Variants in OR52E5 observed in about 807,000 individuals in gnomAD.
The protein encoded by OR52E5 is olfactory receptor family 52 subfamily E member 5.
At position 5,894,745 on chromosome 11, in the gene OR52E5, T is replaced by A. The variant is rs189886883; in HGVS notation, c.-227-887T>A. On this transcript the variant is annotated intron_variant, in intron 1 of 2. Transcript: ENST00000610445. ...TGGAGCACTACTGAAATTTTATTCTTATGGCTCAGGGGTCGGTGCCCTTTT... is the reference window on the plus strand; with the variant it reads ...TGGAGCACTACTGAAATTTTATTCTAATGGCTCAGGGGTCGGTGCCCTTTT... Among the ~76,000 whole-genome samples the A allele has an allele frequency of 4.5e-3, 678 of 152,320 alleles. 2 individuals are homozygous for A. Among genetic ancestry groups the A allele is most frequent in the Non-Finnish European group, 7.3e-3 (499 of 68,014 alleles).
chr11:5,897,296 C>A (rs979863681), intron 2 of OR52E5, among the ~76,000 whole-genome samples: 6 of 152,182 alleles, frequency 3.9e-5, no homozygotes, highest in African/African-American at 1.2e-4. Context: ...TCCCTCCCCA[C>A]CTTTGTAGTC....
At position 5,895,635 on chromosome 11, in the gene OR52E5, G is replaced by C. The variant is rs1847162902; in HGVS notation, c.-224G>C. ...AATCATTGTATTCCACCATTAGCAGGATGATCATCTTATTGGCATTTATGG... is the reference window on the plus strand; with the variant it reads ...AATCATTGTATTCCACCATTAGCAGCATGATCATCTTATTGGCATTTATGG... On this transcript the variant is annotated 5_prime_UTR_variant, in exon 2 of 3. Coordinates refer to ENST00000610445, the MANE Select transcript of OR52E5 (RefSeq NM_001005166.5). 1 of 152,168 alleles carries C rather than the reference G, an allele frequency of 6.6e-6. No homozygotes were observed. The highest frequency in any genetic ancestry group is 2.4e-5 in the African/African-American group (1 of 41,448). 9.4% of individuals were successfully genotyped at this position (152,168 alleles called of 1,614,324 possible).
At chr11:5,899,246 T>C (rs7938347) in intron 2 of OR52E5, among the ~76,000 whole-genome samples, 8,542 of 152,260 alleles carry the variant, frequency 0.056, 277 homozygotes, top group Middle Eastern at 0.11. Context: ...TACTGGTATA[T>C]AGAAATGCTA....
intron 1 of OR52E5, among the ~76,000 whole-genome samples, chr11:5,894,641 T>C (rs1847149155): frequency 6.6e-6 from 1 of 152,104 alleles, no homozygotes; most frequent in Non-Finnish European, 1.5e-5. Context: ...GAGATGATAA[T>C]ACTGTAAAGA....
rs1485693251 is a variant in OR52E5 at position 5,900,892 on chromosome 11, C to G, written c.116C>G (p.Thr39Arg). 3.5e-5 allele frequency: 14 copies of G among 401,170 alleles called. No homozygotes were observed. The highest frequency in any genetic ancestry group is 5.7e-5 in the Non-Finnish European group (13 of 226,264). 24.9% of individuals were successfully genotyped at this position (401,170 alleles called of 1,614,324 possible). ...TTCCCCTTCTTTGCAGTGTATCTAA[C>G]AGCCCTTCTAGGGAACATCATTATC... ...IGFPFFAVYL[T>R]ALLGNIIILF... Residue 39 changes from threonine to arginine, a missense_variant, in exon 3 of 3, where the codon ACA becomes AGA. Transcript: ENST00000610445.
Position 5,901,076 on chromosome 11 carries a change from C to T in OR52E5, c.300C>T (p.Ile100=), listed in dbSNP as rs1847243957. The change falls in exon 3 of 3, where the codon ATC becomes ATT. Residue 100 remains isoleucine, a synonymous_variant. Transcript: ENST00000610445. The part of the protein sequence containing the change: ...NLGEIAFGAC[I]TQMYTIHICT... Reference sequence around the variant, plus strand: ...GAGAGATTGCATTTGGTGCCTGCATCACACAGATGTATACCATTCATATAT... The same window carrying T: ...GAGAGATTGCATTTGGTGCCTGCATTACACAGATGTATACCATTCATATAT... 1 of 401,694 alleles carries T rather than the reference C, an allele frequency of 2.5e-6. No individual in the cohort carries two copies. The allele number at this position is 401,694 out of a possible 1,614,324, so 24.9% of individuals were successfully genotyped here.
In OR52E5 at chr11:5,902,658, A is replaced by AAATAATAAT. The variant is rs1847272371; in HGVS notation, c.*905_*906insATAATAATA. 6.6e-6 allele frequency: 1 copy of AAATAATAAT among 152,202 alleles called. No homozygotes were observed. 9.4% of individuals were successfully genotyped at this position (152,202 alleles called of 1,614,324 possible). A position where few individuals can be genotyped will look rare whatever the true frequency, so the allele number is the denominator to read the frequency against. On this transcript the variant is annotated 3_prime_UTR_variant, in exon 3 of 3. Transcript: ENST00000610445. ...GCAGACTGTAATAGTGTGGCTGCTGAAATAATATAAAGTCATTCTTAATAA... is the reference window on the plus strand; with the variant it reads ...GCAGACTGTAATAGTGTGGCTGCTGAAATAATAATAATAATATAAAGTCATTCTTAATAA...
chr11:5,900,845 A>T lies in OR52E5; in HGVS notation c.69A>T (p.Glu23Asp), dbSNP rs1254349193. Residue 23 changes from glutamate to aspartate, a missense_variant, in exon 3 of 3, where the codon GAA becomes GAT. Transcript: ENST00000610445. ...TFLVVGVPGL[E>D]DVHVWIGFPF... ...TCGTAGTGGGGGTCCCAGGGCTGGA[A>T]GATGTGCATGTATGGATTGGCTTCC... 2.5e-6 allele frequency: 1 copy of T among 401,380 alleles called. No individual in the cohort carries two copies. The highest frequency in any genetic ancestry group is 3.6e-5 in the East Asian group (1 of 28,082). The allele number at this position is 401,380 out of a possible 1,614,324, so 24.9% of individuals were successfully genotyped here.
chr11:5,894,055 A>G (rs1847140578), intron 1 of OR52E5, among the ~76,000 whole-genome samples: 2 of 152,204 alleles, frequency 1.3e-5, no homozygotes, highest in South Asian at 4.1e-4. Flanking sequence ...AATCTAAAAT[A>G]CTATATATAA....
At chr11:5,899,614 C>G (rs1380975291) in intron 2 of OR52E5, among the ~76,000 whole-genome samples, 1 of 152,178 alleles carries the variant, frequency 6.6e-6, no homozygotes, top group Non-Finnish European at 1.5e-5. Flanking sequence ...GGATATGGCA[C>G]TGCCCGAATC....
chr11:5,898,427 A>G (rs901362299), intron 2 of OR52E5, among the ~76,000 whole-genome samples: 1 of 152,134 alleles, frequency 6.6e-6, no homozygotes, highest in African/African-American at 2.4e-5. Flanking sequence ...GCTGCACAGA[A>G]TCTTTTTAGT....
chr11:5,900,065 T>C (rs1847228233), intron 2 of OR52E5, among the ~76,000 whole-genome samples: 1 of 152,074 alleles, frequency 6.6e-6, no homozygotes, highest in African/African-American at 2.4e-5. Context: ...AGATCATAAA[T>C]CACAAAAGGC....
Position 5,895,684 on chromosome 11 carries a change from T to C in OR52E5, c.-175T>C, listed in dbSNP as rs1012845157. On this transcript the variant is annotated 5_prime_UTR_variant, in exon 2 of 3. Transcript: ENST00000610445. ...GGTTGACCCCTGCGGAAGCATTACA[T>C]TGGAGGAAACACAATAACTGAAAAA... 1 of 152,196 alleles carries C rather than the reference T, an allele frequency of 6.6e-6. No individual in the cohort carries two copies. The highest frequency in any genetic ancestry group is 1.5e-5 in the Non-Finnish European group (1 of 68,028). The allele number at this position is 152,196 out of a possible 1,614,324, so 9.4% of individuals were successfully genotyped here.
chr11:5,894,401 G>T (rs370038353), intron 1 of OR52E5, among the ~76,000 whole-genome samples: 6 of 151,980 alleles, frequency 3.9e-5, no homozygotes, highest in Non-Finnish European at 8.8e-5. Context: ...GATAACTCAC[G>T]TAACAGAAAG....
chr11:5,900,536 T>G, intron 2 of OR52E5, 96 bp from the exon 3 acceptor site: 1 of 345,840 alleles, frequency 2.9e-6, no homozygotes. Flanking sequence ...AGGATTGCTA[T>G]ATTTTGGAAA....
intron 1 of OR52E5, among the ~76,000 whole-genome samples, chr11:5,895,029 TAAAGA>T (rs1847154598): frequency 6.6e-6 from 1 of 152,204 alleles, no homozygotes; most frequent in African/African-American, 2.4e-5. Context: ...GGACTCAATG[TAAAGA>T]AAAGATTGCT....
chr11:5,895,925 T>C (rs547823477), intron 2 of OR52E5, among the ~76,000 whole-genome samples: 1 of 152,132 alleles, frequency 6.6e-6, no homozygotes, highest in East Asian at 1.9e-4. Flanking sequence ...GGTGGGCACC[T>C]GTAATCCTAG....
At chr11:5,895,183 A>G (rs1021680092) in intron 1 of OR52E5, among the ~76,000 whole-genome samples, 14 of 152,190 alleles carry the variant, frequency 9.2e-5, no homozygotes, top group African/African-American at 3.4e-4. Flanking sequence ...AGGAAATTCA[A>G]AGTCCTACAC....
At position 5,901,586 on chromosome 11, in the gene OR52E5, C is replaced by T. The variant is rs1450017090; in HGVS notation, c.810C>T (p.Tyr270=). 1.2e-5 allele frequency: 5 copies of T among 401,696 alleles called. No homozygotes were observed. The highest frequency in any genetic ancestry group is 2.2e-5 in the Non-Finnish European group (5 of 226,376). The allele number at this position is 401,696 out of a possible 1,614,324, so 24.9% of individuals were successfully genotyped here. ...GCTTTGGCCACAACATCCCTCATTA[C>T]ATCCACATTCTTCTGGCCAATCTGT... is the stretch of plus-strand genomic sequence containing the variant. ...THRFGHNIPH[Y]IHILLANLYV... Residue 270 remains tyrosine (Y), a synonymous_variant, in exon 3 of 3, where the codon TAC becomes TAT. Transcript: ENST00000610445.
Sources: allele counts gnomAD v4.1 joint callset (sites outside exome capture counted in the v4.1 genomes callset), GRCh38; gene constraint gnomAD v4.1.1; transcripts MANE v1.5; gene names NCBI Gene and HGNC (gene_info 2026-07-23, HGNC 2026-07-21).